Variants in FGGY observed in about 807,000 individuals in gnomAD.
FGGY encodes the protein FGGY carbohydrate kinase domain-containing protein.
In FGGY, 72 loss-of-function variants were observed where a neutral mutation model predicts 71.3. That is an observed-to-expected ratio of 1.01 (90% CI 0.84 to 1.23). FGGY has a LOEUF of 1.23. Among genes scored for constraint, FGGY ranks in the 50% most tolerant of loss-of-function variants. The probability of loss-of-function intolerance (pLI) is 0.00; values close to 1 mark genes in which losing one functional copy is unlikely to be tolerated. For synonymous variants in FGGY, 251 were observed against 250.3 expected (o/e 1.00, Z -0.02); for missense variants, 668 against 682.3 (o/e 0.98, Z 0.23).
chr1:59,455,344 G>A (rs1030082037), intron 5 of FGGY, among the ~76,000 whole-genome samples: 5 of 152,174 alleles, frequency 3.3e-5, no homozygotes. Flanking sequence ...ATGCATAATG[G>A]GGATGACTGT....
intron 1 of FGGY, among the ~76,000 whole-genome samples, chr1:59,301,901 C>CTTTT (rs60018175): frequency 7.2e-6 from 1 of 138,370 alleles, no homozygotes. Flanking sequence ...TTCTTTCTTT[C>CTTTT]TTTTTTTTTT....
intron 15 of FGGY, among the ~76,000 whole-genome samples, chr1:59,759,859 A>G (rs2098327480): frequency 6.6e-6 from 1 of 152,220 alleles, no homozygotes; most frequent in Non-Finnish European, 1.5e-5. Flanking sequence ...TAATTTAGTG[A>G]CTATAGTTTA....
At chr1:59,669,473 T>A (rs1373045949) in intron 13 of FGGY, among the ~76,000 whole-genome samples, 1 of 148,620 alleles carries the variant, frequency 6.7e-6, no homozygotes, top group Non-Finnish European at 1.5e-5. Flanking sequence ...TATCTAAAAA[T>A]CAGCTGGCTA....
intron 1 of FGGY, among the ~76,000 whole-genome samples, chr1:59,311,026 C>T (rs1187951422): frequency 1.3e-5 from 2 of 152,052 alleles, no homozygotes; most frequent in Non-Finnish European, 2.9e-5. Flanking sequence ...CTAATGTTTC[C>T]CACAGTAGGA....
chr1:59,307,426 G>T (rs1378553619), intron 1 of FGGY, among the ~76,000 whole-genome samples: 2 of 151,910 alleles, frequency 1.3e-5, no homozygotes, highest in Non-Finnish European at 2.9e-5. Context: ...TTTGAATAAG[G>T]CTATTGTTAG....
chr1:59,355,667 A>T (rs1242117001), intron 4 of FGGY, among the ~76,000 whole-genome samples: 1 of 151,870 alleles, frequency 6.6e-6, no homozygotes, highest in African/African-American at 2.4e-5. Context: ...GTTTTACTGT[A>T]TCTGTGTGGC....
At chr1:59,733,036 G>A (rs2098055786) in intron 14 of FGGY, among the ~76,000 whole-genome samples, 1 of 151,886 alleles carries the variant, frequency 6.6e-6, no homozygotes, top group Admixed American at 6.5e-5. Flanking sequence ...TTTAATCCAG[G>A]TTTCCCTACT....
At chr1:59,409,422 ATTATTC>A (rs2063249004) in intron 5 of FGGY, among the ~76,000 whole-genome samples, 1 of 152,146 alleles carries the variant, frequency 6.6e-6, no homozygotes, top group African/African-American at 2.4e-5. Context: ...ATGTTCAGCC[ATTATTC>A]AAGCCGTTGA....
At chr1:59,524,719 G>T (rs1477138903) in intron 7 of FGGY, among the ~76,000 whole-genome samples, 2 of 152,036 alleles carry the variant, frequency 1.3e-5, no homozygotes, top group African/African-American at 4.8e-5. Context: ...TCATCTAGAC[G>T]ACCTGCCTGC....
intron 15 of FGGY, among the ~76,000 whole-genome samples, chr1:59,759,634 G>A (rs565284260): frequency 6.6e-6 from 1 of 152,324 alleles, no homozygotes; most frequent in Admixed American, 6.5e-5. Context: ...CGGTGCTTTA[G>A]CACCATCTGC....
intron 14 of FGGY, among the ~76,000 whole-genome samples, chr1:59,712,574 G>A (rs974484572): frequency 6.6e-6 from 1 of 152,194 alleles, no homozygotes; most frequent in African/African-American, 2.4e-5. Context: ...TACATCTTCT[G>A]AAATCTAGGC....
At chr1:59,748,858 C>T (rs368122080) in intron 14 of FGGY, among the ~76,000 whole-genome samples, 29 of 152,202 alleles carry the variant, frequency 1.9e-4, no homozygotes, top group African/African-American at 6.3e-4. Flanking sequence ...AGAACCCCTC[C>T]GTAGCATCAG....
At chr1:59,480,683 G>A (rs1199230819) in intron 6 of FGGY, among the ~76,000 whole-genome samples, 1 of 152,166 alleles carries the variant, frequency 6.6e-6, no homozygotes, top group Non-Finnish European at 1.5e-5. Context: ...GTGAAGAGTT[G>A]AGTGAAGGAG....
chr1:59,685,781 G>T (rs938977385), intron 14 of FGGY, among the ~76,000 whole-genome samples: 1 of 152,014 alleles, frequency 6.6e-6, no homozygotes, highest in Non-Finnish European at 1.5e-5. Context: ...TTTAAATGAG[G>T]TCTCGCTCTA....
intron 5 of FGGY, among the ~76,000 whole-genome samples, chr1:59,414,841 C>G (rs146088622): frequency 3.3e-5 from 5 of 152,342 alleles, no homozygotes; most frequent in African/African-American, 4.8e-5. Flanking sequence ...TTAGCTGAAC[C>G]TGGCTGGAGG....
rs532075299 is a variant in FGGY at position 59,563,029 on chromosome 1, A to G, written c.903+8802A>G. Among the ~76,000 whole-genome samples the G allele has an allele frequency of 2.6e-4, 39 of 152,330 alleles. No homozygotes were observed. The South Asian group carries it at 5.4e-3, about 21-fold the overall frequency. On this transcript the variant is annotated intron_variant, in intron 8 of 15. Transcript: ENST00000303721. ...GATGGGGTTTTCTAAATATACAATT[A>G]TGTCATCTGCAAACCGAGATAATTT...
intron 14 of FGGY, among the ~76,000 whole-genome samples, chr1:59,692,879 G>A (rs1188091722): frequency 6.6e-6 from 1 of 152,140 alleles, no homozygotes; most frequent in African/African-American, 2.4e-5. Flanking sequence ...TGGTCATATT[G>A]GAGAGACCCA....
intron 8 of FGGY, among the ~76,000 whole-genome samples, chr1:59,567,145 G>C: frequency 6.6e-6 from 1 of 152,262 alleles, no homozygotes; most frequent in East Asian, 1.9e-4. Flanking sequence ...GAAAGGCTGG[G>C]CAGAGAAAGG....
At chr1:59,477,893 A>G (rs1462527629) in intron 6 of FGGY, among the ~76,000 whole-genome samples, 1 of 152,200 alleles carries the variant, frequency 6.6e-6, no homozygotes, top group Admixed American at 6.5e-5. Flanking sequence ...TGGATATTGT[A>G]TGTAGAGATC....
Sources: allele counts gnomAD v4.1 joint callset (sites outside exome capture counted in the v4.1 genomes callset), GRCh38; gene constraint gnomAD v4.1.1; transcripts MANE v1.5; gene names NCBI Gene and HGNC (gene_info 2026-07-23, HGNC 2026-07-21).